Variants in ZDHHC7 observed in about 807,000 individuals in gnomAD.
The protein encoded by ZDHHC7 is zDHHC palmitoyltransferase 7.
ZDHHC7 carries 12 observed loss-of-function variants against 34.1 expected under a neutral mutation model. That is an observed-to-expected ratio of 0.35 (90% CI 0.23 to 0.57). The LOEUF (loss-of-function observed/expected upper bound fraction) is 0.57, where lower values mean the gene tolerates loss of function less well. Ranked by LOEUF, ZDHHC7 falls within the 20% of genes least tolerant of loss-of-function variation. The pLI, the probability that ZDHHC7 is intolerant of heterozygous loss-of-function variation, is 0.84. For missense variants in ZDHHC7, 388 were observed against 402.7 expected (o/e 0.96, Z 0.31); for synonymous variants, 185 against 155.4 (o/e 1.19, Z -1.42).
chr16:84,985,133 G>C (rs2072420133), intron 3 of ZDHHC7, among the ~76,000 whole-genome samples: 1 of 152,166 alleles, frequency 6.6e-6, no homozygotes, highest in African/African-American at 2.4e-5. Flanking sequence ...GATGCCTTCA[G>C]GCTCCTCCCT....
At chr16:85,010,756 C>A (rs1310137254) in intron 1 of ZDHHC7, among the ~76,000 whole-genome samples, 2 of 152,240 alleles carry the variant, frequency 1.3e-5, no homozygotes, top group African/African-American at 4.8e-5. Context: ...GAAAGCTTTA[C>A]TGTCCCAGAT....
chr16:85,023,458 C>G, the ZDHHC7 span, among the ~76,000 whole-genome samples: 1 of 152,054 alleles, frequency 6.6e-6, no homozygotes, highest in African/African-American at 2.4e-5. Context: ...AGCCACCACA[C>G]CTGGCCAATT....
At position 84,986,649 on chromosome 16, in the gene ZDHHC7, T is replaced by C. The variant is rs115980617; in HGVS notation, c.315+3655A>G. On this transcript the variant is annotated intron_variant, in intron 3 of 7. Transcript: ENST00000313732. ...ACAGCAGGGTTCATTGCTCTATCAG[T>C]AGGCCTCTGACCCCATCTTCCCCTC... Among the ~76,000 whole-genome samples the C allele has an allele frequency of 7.2e-3, 1,093 of 152,214 alleles. 14 individuals carry two copies. The highest frequency in any genetic ancestry group is 0.025 in the African/African-American group (1,036 of 41,526).
chr16:84,977,808 AAAT>A (rs1202906606), intron 6 of ZDHHC7, 113 bp downstream of exon 6: 1 of 788,664 alleles, frequency 1.3e-6, no homozygotes. Context: ...TCAATTGCTA[AAAT>A]AATTGCAATG....
rs775159421 is a variant in ZDHHC7, at chr16:84,976,327, T to A, written c.*16A>T. On this transcript the variant is annotated 3_prime_UTR_variant, in exon 8 of 8. Transcript: ENST00000313732. Reference sequence around the variant, plus strand: ...CTGGAAGTCTGTGAGCAAGTTTCAGTCTGATGAGCCACGCCTCACACTGAG... The same window carrying A: ...CTGGAAGTCTGTGAGCAAGTTTCAGACTGATGAGCCACGCCTCACACTGAG... The A allele has an allele frequency of 4.3e-6, 7 of 1,611,444 alleles. No homozygotes were observed. The Admixed American group carries it at 1.0e-4, about 23-fold the overall frequency.
At chr16:85,019,909 T>G in the ZDHHC7 span, among the ~76,000 whole-genome samples, 1 of 152,140 alleles carries the variant, frequency 6.6e-6, no homozygotes, top group Non-Finnish European at 1.5e-5. Context: ...TTGAACTTCT[T>G]AGCTGCTGTT....
the ZDHHC7 span, among the ~76,000 whole-genome samples, chr16:85,022,246 C>A: frequency 1.3e-5 from 2 of 151,106 alleles, no homozygotes; most frequent in African/African-American, 4.9e-5. Flanking sequence ...CTCAGCCAGG[C>A]ACAGTGGCTC....
At chr16:85,020,413 T>A in the ZDHHC7 span, among the ~76,000 whole-genome samples, 1 of 152,228 alleles carries the variant, frequency 6.6e-6, no homozygotes, top group Non-Finnish European at 1.5e-5. Flanking sequence ...TTTTCACAAA[T>A]GCATAATTGC....
chr16:85,006,797 A>T (rs764244461), intron 1 of ZDHHC7, among the ~76,000 whole-genome samples: 5 of 152,072 alleles, frequency 3.3e-5, no homozygotes, highest in African/African-American at 1.2e-4. Flanking sequence ...CACAAAATCA[A>T]CCTGTTGCGA....
At chr16:85,005,647 G>T (rs549596103) in intron 1 of ZDHHC7, among the ~76,000 whole-genome samples, 1 of 152,172 alleles carries the variant, frequency 6.6e-6, no homozygotes, top group Non-Finnish European at 1.5e-5. Context: ...TGAATAAATT[G>T]AATGTTGGAA....
chr16:84,984,676 C>T (rs991498110), intron 3 of ZDHHC7, among the ~76,000 whole-genome samples: 1 of 152,164 alleles, frequency 6.6e-6, no homozygotes, highest in African/African-American at 2.4e-5. Context: ...GGATTTCAGG[C>T]ACTTGCTGGG....
At chr16:85,024,748 G>C in the ZDHHC7 span, among the ~76,000 whole-genome samples, 1 of 152,150 alleles carries the variant, frequency 6.6e-6, no homozygotes, top group East Asian at 1.9e-4. Context: ...CTCCACTCAA[G>C]TAGTATGAGT....
intron 2 of ZDHHC7, among the ~76,000 whole-genome samples, chr16:84,994,748 T>C (rs900851439): frequency 2.6e-5 from 4 of 152,146 alleles, no homozygotes; most frequent in African/African-American, 9.7e-5. Context: ...GGGTGACATA[T>C]CATACTTGAG....
chr16:85,010,953 T>C (rs2072783210), intron 1 of ZDHHC7, among the ~76,000 whole-genome samples: 1 of 152,104 alleles, frequency 6.6e-6, no homozygotes, highest in Non-Finnish European at 1.5e-5. Flanking sequence ...TTACACAGGG[T>C]TTATAGCTGC....
chr16:85,027,594 A>C, the ZDHHC7 span, among the ~76,000 whole-genome samples: 45 of 152,104 alleles, frequency 3.0e-4, no homozygotes, highest in East Asian at 8.6e-3. Context: ...CGTACCCGAG[A>C]GCGCTCCCAC....
chr16:84,984,577 A>T (rs2072412815), intron 3 of ZDHHC7, among the ~76,000 whole-genome samples: 1 of 152,174 alleles, frequency 6.6e-6, no homozygotes, highest in Non-Finnish European at 1.5e-5. Context: ...ACGCTACCCC[A>T]GTTTTTGGTC....
intron 2 of ZDHHC7, among the ~76,000 whole-genome samples, chr16:84,994,327 T>TTCTTGGTGA (rs1206334572): frequency 6.6e-6 from 1 of 152,204 alleles, no homozygotes; most frequent in Non-Finnish European, 1.5e-5. Flanking sequence ...GGTGAATCGT[T>TTCTTGGTGA]ATCTGTGGGC....
chr16:85,022,616 T>C, the ZDHHC7 span, among the ~76,000 whole-genome samples: 189 of 152,286 alleles, frequency 1.2e-3, no homozygotes, highest in African/African-American at 4.2e-3. Context: ...TGAAAGTTCA[T>C]TGAGTTTGTT....
Position 84,988,953 on chromosome 16 carries a change from G to A in ZDHHC7, c.315+1351C>T, listed in dbSNP as rs767038568. On this transcript the variant is annotated intron_variant, in intron 3 of 7. Transcript: ENST00000313732. ...GCCCTCTCCTTTGTCGAAGTGCCTG[G>A]GCACTTTGGGCAACAAACAAGGGGT... is the stretch of plus-strand genomic sequence containing the variant. The A allele has an allele frequency of 2.2e-6, 3 of 1,381,190 alleles. No homozygotes were observed. In the East Asian group the frequency reaches 7.5e-5, roughly 35 times the overall value. 85.6% of individuals were successfully genotyped at this position (1,381,190 alleles called of 1,614,324 possible).
Sources: gnomAD v4.1 joint callset for allele counts (sites outside exome capture counted in the v4.1 genomes callset) on GRCh38, gnomAD v4.1.1 for gene constraint, MANE v1.5 for transcripts, NCBI Gene and HGNC (gene_info 2026-07-23, HGNC 2026-07-21) for gene names.